Variants in UTRN observed in about 807,000 individuals in gnomAD.
UTRN encodes the protein utrophin.
Under a neutral mutation model 463.9 loss-of-function variants are expected in UTRN, and 283 were observed. The ratio of observed to expected loss-of-function variants is 0.61; its 90% CI spans 0.55 to 0.67. The LOEUF is 0.67. Ranked by LOEUF, UTRN falls within the 30% of genes least tolerant of loss-of-function variation. The pLI is 0.00. For missense variants in UTRN, 3,922 were observed against 4,084.3 expected (o/e 0.96, Z 1.08); for synonymous variants, 1,442 against 1,431.5 (o/e 1.01, Z -0.17).
At chr6:144,624,309 CT>C (rs1427063205) in intron 51 of UTRN, among the ~76,000 whole-genome samples, 2 of 152,044 alleles carry the variant, frequency 1.3e-5, no homozygotes, top group Non-Finnish European at 2.9e-5. Context: ...CATTACTGTG[CT>C]TTAGAAAGAT....
intron 12 of UTRN, 64 bp downstream of exon 12, chr6:144,438,959 A>C: frequency 1.4e-5 from 21 of 1,539,352 alleles, no homozygotes; most frequent in African/African-American, 2.7e-5. Context: ...TTAGCATCTC[A>C]GAGGCTGATG....
At chr6:144,512,686 A>G (rs971871106) in intron 35 of UTRN, among the ~76,000 whole-genome samples, 4 of 151,740 alleles carry the variant, frequency 2.6e-5, no homozygotes, top group Admixed American at 1.3e-4. Flanking sequence ...GACTACAGGC[A>G]TGCGCCACCA....
At chr6:144,726,380 C>T (rs1165262845) in intron 53 of UTRN, among the ~76,000 whole-genome samples, 2 of 152,094 alleles carry the variant, frequency 1.3e-5, no homozygotes, top group African/African-American at 4.8e-5. Flanking sequence ...GTTTAGTTTC[C>T]TTTGCTGGGA....
At chr6:144,726,868 A>G (rs373785016) in intron 53 of UTRN, among the ~76,000 whole-genome samples, 1 of 152,190 alleles carries the variant, frequency 6.6e-6, no homozygotes, top group South Asian at 2.1e-4. Context: ...ATAAAATTCC[A>G]TCCATAAAGG....
chr6:144,295,675 G>A (rs539666358), intron 2 of UTRN, among the ~76,000 whole-genome samples: 1 of 152,202 alleles, frequency 6.6e-6, no homozygotes, highest in Non-Finnish European at 1.5e-5. Context: ...TGCTCACCCA[G>A]TCTCTGTTTG....
At chr6:144,397,854 T>C (rs1782583525) in intron 2 of UTRN, 1 of 152,796 alleles carries the variant, frequency 6.5e-6, no homozygotes, top group African/African-American at 2.4e-5. Context: ...GCCCAGCATT[T>C]GCTGGGTGGG....
intron 2 of UTRN, among the ~76,000 whole-genome samples, chr6:144,347,245 C>T (rs1383947409): frequency 1.3e-5 from 2 of 152,238 alleles, no homozygotes; most frequent in Non-Finnish European, 2.9e-5. Context: ...GAATCACCAA[C>T]ATGCTTGTGC....
At chr6:144,491,147 G>T (rs1320367552) in intron 32 of UTRN, 45 bp downstream of exon 32, 1 of 1,549,514 alleles carries the variant, frequency 6.5e-7, no homozygotes, top group Non-Finnish European at 8.7e-7. Flanking sequence ...TTTTTCAGCA[G>T]CTGTTATGGC....
intron 2 of UTRN, among the ~76,000 whole-genome samples, chr6:144,308,193 G>A (rs1246897664): frequency 1.3e-5 from 2 of 152,202 alleles, no homozygotes; most frequent in Non-Finnish European, 2.9e-5. Flanking sequence ...TGATTTGGGT[G>A]TAAACATTGA....
chr6:144,724,222 C>CTTTTTTTTT (rs34507977), intron 53 of UTRN, among the ~76,000 whole-genome samples: 2 of 78,114 alleles, frequency 2.6e-5, no homozygotes, highest in Non-Finnish European at 4.4e-5. Flanking sequence ...AGATTCATAA[C>CTTTTTTTTT]TTTTTTTTTT....
At chr6:144,438,133 G>A (rs2114894568) in intron 11 of UTRN, among the ~76,000 whole-genome samples, 1 of 152,264 alleles carries the variant, frequency 6.6e-6, no homozygotes, top group African/African-American at 2.4e-5. Context: ...GGGCATGGTG[G>A]GCCATGCCTG....
chr6:144,488,179 G>A lies in UTRN; in HGVS notation c.3972+482G>A, dbSNP rs578170220. ...AAACACATATTAAATAATAACTGTT[G>A]ATGTTCAGCCCATGAATAACATCAA... On this transcript the variant is annotated intron_variant, in intron 29 of 74. Transcript: ENST00000367545. 3.3e-5 allele frequency among the ~76,000 whole-genome samples: 5 copies of A among 152,270 alleles called. No individual in the cohort carries two copies. The East Asian group carries it at 9.6e-4, about 29-fold the overall frequency.
chr6:144,608,698 T>TA (rs1407527941), intron 51 of UTRN, among the ~76,000 whole-genome samples: 1 of 152,160 alleles, frequency 6.6e-6, no homozygotes, highest in African/African-American at 2.4e-5. Context: ...GGGAGGGAGA[T>TA]ATGTGAAGGA....
At chr6:144,413,925 T>C (rs1042277471) in intron 3 of UTRN, among the ~76,000 whole-genome samples, 1 of 152,160 alleles carries the variant, frequency 6.6e-6, no homozygotes, top group Non-Finnish European at 1.5e-5. Flanking sequence ...TGCCTCAGCT[T>C]CCTGAGTAGC....
intron 3 of UTRN, among the ~76,000 whole-genome samples, chr6:144,411,843 C>CT (rs1783922730): frequency 6.6e-6 from 1 of 152,086 alleles, no homozygotes; most frequent in Admixed American, 6.5e-5. Context: ...TAAATGGAAT[C>CT]TTTTTCAATT....
intron 2 of UTRN, among the ~76,000 whole-genome samples, chr6:144,346,298 A>G: frequency 6.6e-6 from 1 of 152,186 alleles, no homozygotes. Context: ...TTCCTGCCCT[A>G]TGACCAATCA....
intron 2 of UTRN, among the ~76,000 whole-genome samples, chr6:144,343,852 G>T (rs1270668224): frequency 2.0e-5 from 3 of 151,964 alleles, no homozygotes; most frequent in Non-Finnish European, 2.9e-5. Context: ...ATTTATCTAC[G>T]CAGTGGGTAG....
At chr6:144,741,757 CTT>C (rs1790121290) in intron 54 of UTRN, among the ~76,000 whole-genome samples, 1 of 152,162 alleles carries the variant, frequency 6.6e-6, no homozygotes, top group African/African-American at 2.4e-5. Flanking sequence ...TCCAGGGTCT[CTT>C]TGCTCTTCCT....
chr6:144,331,569 T>G (rs1776335664), intron 2 of UTRN, among the ~76,000 whole-genome samples: 2 of 152,198 alleles, frequency 1.3e-5, no homozygotes, highest in African/African-American at 4.8e-5. Context: ...TGCCCCTGCA[T>G]CCATTTAATT....
Sources: allele counts gnomAD v4.1 joint callset (sites outside exome capture counted in the v4.1 genomes callset), GRCh38; gene constraint gnomAD v4.1.1; transcripts MANE v1.5; gene names NCBI Gene and HGNC (gene_info 2026-07-23, HGNC 2026-07-21).